VRK2: variants seen among roughly 807,000 people sequenced by gnomAD.
VRK2 encodes VRK serine/threonine kinase 2, also known as serine/threonine-protein kinase VRK2.
Under a neutral mutation model 57.6 loss-of-function variants are expected in VRK2, and 60 were observed. The observed-to-expected ratio is 1.04, with a 90% CI of 0.85 to 1.29. VRK2 has a LOEUF of 1.29. VRK2 is among the 50% of genes most tolerant of loss of function. The probability of loss-of-function intolerance (pLI) is 0.00; values close to 1 mark genes in which losing one functional copy is unlikely to be tolerated. For synonymous variants in VRK2, 231 were observed against 199.2 expected (o/e 1.16, Z -1.35); for missense variants, 705 against 588.1 (o/e 1.20, Z -2.06).
intron 1 of VRK2, among the ~76,000 whole-genome samples, chr2:57,929,283 C>T (rs1032483448): frequency 5.9e-5 from 9 of 152,134 alleles, no homozygotes; most frequent in African/African-American, 2.2e-4. Flanking sequence ...CAGAGTCCTT[C>T]TGACTTTTCT....
At chr2:57,984,156 T>G (rs531855865) in intron 1 of VRK2, among the ~76,000 whole-genome samples, 16 of 152,312 alleles carry the variant, frequency 1.1e-4, no homozygotes, top group Middle Eastern at 3.4e-3. Context: ...ATAGAAAAAG[T>G]GCTGATGTAT....
At chr2:58,122,960 T>C in intron 7 of VRK2, 141 bp from the exon 8 acceptor site, 2 of 1,061,202 alleles carry the variant, frequency 1.9e-6, no homozygotes, top group South Asian at 4.8e-5. Flanking sequence ...GTTGTACATA[T>C]TTTATCCTAA....
intron 12 of VRK2, among the ~76,000 whole-genome samples, chr2:58,154,142 A>G (rs1683439607): frequency 6.6e-6 from 1 of 151,836 alleles, no homozygotes; most frequent in South Asian, 2.1e-4. Context: ...GTCTGTAGTG[A>G]TATTTGTTTC....
intron 3 of VRK2, chr2:58,041,070 T>TG (rs907110636): frequency 4.9e-5 from 48 of 985,048 alleles, no homozygotes; most frequent in African/African-American, 1.4e-4. Context: ...GGATGTTAAC[T>TG]GGGGGGGAAA....
intron 2 of VRK2, among the ~76,000 whole-genome samples, chr2:58,029,176 A>G (rs1010985952): frequency 6.6e-6 from 1 of 151,904 alleles, no homozygotes; most frequent in Non-Finnish European, 1.5e-5. Flanking sequence ...GAGTTCTATG[A>G]AAACTGATTA....
chr2:57,947,817 A>G (rs1419859941), intron 1 of VRK2, among the ~76,000 whole-genome samples: 1 of 152,134 alleles, frequency 6.6e-6, no homozygotes, highest in Non-Finnish European at 1.5e-5. Flanking sequence ...ATATTATTCA[A>G]ATGAGATGGG....
chr2:57,940,978 CA>C (rs1671076231), intron 1 of VRK2, among the ~76,000 whole-genome samples: 1 of 151,864 alleles, frequency 6.6e-6, no homozygotes, highest in Non-Finnish European at 1.5e-5. Context: ...GAGAGTAACA[CA>C]AGAATGCCAT....
At chr2:57,907,986 G>T (rs773133449) in intron 1 of VRK2, 1 of 152,076 alleles carries the variant, frequency 6.6e-6, no homozygotes, top group Non-Finnish European at 1.5e-5. Context: ...ATCAATACAG[G>T]CTCTAAGAAA....
intron 10 of VRK2, among the ~76,000 whole-genome samples, chr2:58,137,029 A>G (rs1354757369): frequency 7.7e-6 from 1 of 130,568 alleles, no homozygotes; most frequent in Non-Finnish European, 1.5e-5. Flanking sequence ...TCATATGTGT[A>G]TATATATCAT....
At chr2:58,059,238 G>C (rs1676978889) in intron 2 of VRK2, among the ~76,000 whole-genome samples, 1 of 151,960 alleles carries the variant, frequency 6.6e-6, no homozygotes, top group African/African-American at 2.4e-5. Context: ...ATTGCGAATA[G>C]TCATCCAATA....
chr2:58,013,556 A>G (rs977189181), intron 1 of VRK2, among the ~76,000 whole-genome samples: 1 of 152,192 alleles, frequency 6.6e-6, no homozygotes, highest in African/African-American at 2.4e-5. Context: ...GTTTTTAAAA[A>G]ACAGATATGA....
chr2:58,122,259 A>T (rs899806961), intron 7 of VRK2, among the ~76,000 whole-genome samples: 7 of 152,182 alleles, frequency 4.6e-5, no homozygotes, highest in African/African-American at 1.2e-4. Flanking sequence ...CAGTTGACCT[A>T]TGACAATGCC....
At chr2:58,109,668 C>T (rs994581109) in intron 7 of VRK2, among the ~76,000 whole-genome samples, 11 of 152,140 alleles carry the variant, frequency 7.2e-5, no homozygotes, top group African/African-American at 1.2e-4. Flanking sequence ...GAACAGCATG[C>T]GGGAACCGCC....
Position 58,101,762 on chromosome 2 carries a change from G to A in VRK2, c.543+12039G>A, listed in dbSNP as rs533991758. 1.1e-3 allele frequency among the ~76,000 whole-genome samples: 172 copies of A among 151,776 alleles called. 1 individual carries two copies. Among genetic ancestry groups the A allele is most frequent in the African/African-American group, 4.0e-3 (165 of 41,496 alleles). ...TAGGAAACTGCTGGTGTAGAACCAG[G>A]TGAATGTGATCTCTTTGATATATAT... On this transcript the variant is annotated intron_variant, in intron 7 of 12. Transcript: ENST00000340157.
chr2:58,045,182 A>T (rs1302003999), upstream of VRK2, among the ~76,000 whole-genome samples: 1 of 152,254 alleles, frequency 6.6e-6, no homozygotes, highest in East Asian at 1.9e-4. Flanking sequence ...AAGGGATAAG[A>T]GGGTATAAAA....
intron 1 of VRK2, among the ~76,000 whole-genome samples, chr2:58,016,457 A>T (rs1673586263): frequency 6.6e-6 from 1 of 152,052 alleles, no homozygotes; most frequent in Admixed American, 6.5e-5. Flanking sequence ...AGCTTCAAGG[A>T]TTCTCCTGCC....
chr2:58,051,410 C>T (rs967144715), intron 2 of VRK2, among the ~76,000 whole-genome samples: 1 of 152,142 alleles, frequency 6.6e-6, no homozygotes, highest in African/African-American at 2.4e-5. Context: ...GCTAATGAAT[C>T]ATAGAATCAG....
At chr2:57,916,282 T>C (rs547273133) in intron 1 of VRK2, among the ~76,000 whole-genome samples, 19 of 151,896 alleles carry the variant, frequency 1.3e-4, no homozygotes, top group Middle Eastern at 3.4e-3. Flanking sequence ...GGCACATACC[T>C]GTAATCCCAG....
chr2:57,942,585 C>T (rs915769379), intron 1 of VRK2, among the ~76,000 whole-genome samples: 9 of 151,554 alleles, frequency 5.9e-5, no homozygotes, highest in Admixed American at 3.3e-4. Flanking sequence ...TATGTGGGCA[C>T]GTGTGTGCCT....
Sources: gnomAD v4.1 joint callset for allele counts (sites outside exome capture counted in the v4.1 genomes callset) on GRCh38, gnomAD v4.1.1 for gene constraint, MANE v1.5 for transcripts, NCBI Gene and HGNC (gene_info 2026-07-23, HGNC 2026-07-21) for gene names.